TMEM132D: variants seen among roughly 807,000 people sequenced by gnomAD.
TMEM132D encodes transmembrane protein 132D.
Under a neutral mutation model 62.3 loss-of-function variants are expected in TMEM132D, and 21 were observed. The observed-to-expected ratio is 0.34, with a 90% CI of 0.24 to 0.49. The LOEUF is 0.49. Among genes scored for constraint, TMEM132D ranks in the 20% least tolerant of loss-of-function variants. The pLI is 0.99. For synonymous variants in TMEM132D, 621 were observed against 575.6 expected, an observed-to-expected ratio of 1.08 and a Z score of -1.13; for missense variants, 1,346 against 1,402.8, an observed-to-expected ratio of 0.96 and a Z score of 0.65.
chr12:129,880,246 A>C (rs868346804), intron 1 of TMEM132D, among the ~76,000 whole-genome samples: 1 of 152,186 alleles, frequency 6.6e-6, no homozygotes, highest in African/African-American at 2.4e-5. Context: ...TCATCAACCC[A>C]GAATTCTATA....
intron 1 of TMEM132D, among the ~76,000 whole-genome samples, chr12:129,751,469 C>T (rs571571987): frequency 6.6e-6 from 1 of 152,176 alleles, no homozygotes; most frequent in Non-Finnish European, 1.5e-5. Context: ...GGTGGGGACA[C>T]ACAGCCAAAC....
chr12:129,801,347 G>GA (rs201974324), intron 1 of TMEM132D, among the ~76,000 whole-genome samples: 2,099 of 37,296 alleles, frequency 0.056, 26 homozygotes, highest in Middle Eastern at 0.068. Flanking sequence ...GGAGATCTGA[G>GA]ATGGGCAGAC....
At chr12:129,675,956 G>A (rs979946002) in intron 2 of TMEM132D, among the ~76,000 whole-genome samples, 10 of 152,208 alleles carry the variant, frequency 6.6e-5, no homozygotes, top group Non-Finnish European at 4.4e-5. Context: ...TTAACACACA[G>A]AGAATCTTCC....
chr12:129,183,038 C>A (rs532152988), intron 5 of TMEM132D, among the ~76,000 whole-genome samples: 14 of 152,164 alleles, frequency 9.2e-5, no homozygotes, highest in Non-Finnish European at 1.6e-4. Context: ...CACGTGGCTG[C>A]TGGCTTCCAA....
intron 2 of TMEM132D, among the ~76,000 whole-genome samples, chr12:129,690,610 CA>C (rs750320840): frequency 6.6e-6 from 1 of 152,122 alleles, no homozygotes; most frequent in Admixed American, 6.6e-5. Context: ...GGAAGCATTA[CA>C]TAATGACAAA....
intron 3 of TMEM132D, among the ~76,000 whole-genome samples, chr12:129,461,821 T>G (rs1026722720): frequency 3.3e-5 from 5 of 151,970 alleles, no homozygotes; most frequent in African/African-American, 7.3e-5. Context: ...AGCAGGTACA[T>G]AGATAGAGAA....
At chr12:129,268,608 A>G (rs1221193376) in intron 4 of TMEM132D, among the ~76,000 whole-genome samples, 4 of 152,216 alleles carry the variant, frequency 2.6e-5, no homozygotes, top group Non-Finnish European at 5.9e-5. Flanking sequence ...TAGTTCAACC[A>G]TTGTGGAAGA....
intron 1 of TMEM132D, among the ~76,000 whole-genome samples, chr12:129,891,867 A>C (rs547020272): frequency 2.2e-3 from 340 of 152,304 alleles, no homozygotes; most frequent in South Asian, 0.011. Flanking sequence ...TAGAGAGTGA[A>C]CAAAACTGGC....
At chr12:129,654,340 C>T (rs1218342235) in intron 2 of TMEM132D, among the ~76,000 whole-genome samples, 1 of 151,144 alleles carries the variant, frequency 6.6e-6, no homozygotes, top group Non-Finnish European at 1.5e-5. Flanking sequence ...TCCTTTTTGC[C>T]ACTATAAGAT....
intron 1 of TMEM132D, among the ~76,000 whole-genome samples, chr12:129,769,247 T>C (rs1028950468): frequency 1.1e-4 from 16 of 152,056 alleles, no homozygotes; most frequent in African/African-American, 3.6e-4. Flanking sequence ...GAAAAAGAGG[T>C]TGAACGACTC....
At chr12:129,699,280 C>CTCATTTATT (rs1172013851) in intron 2 of TMEM132D, among the ~76,000 whole-genome samples, 4 of 152,096 alleles carry the variant, frequency 2.6e-5, no homozygotes, top group African/African-American at 4.8e-5. Context: ...ACACGTTATG[C>CTCATTTATT]TCATTTATTT....
chr12:129,277,156 G>T lies in TMEM132D; in HGVS notation c.1299+60478C>A, dbSNP rs1881026004. Among the ~76,000 whole-genome samples the T allele has an allele frequency of 6.6e-6, 1 of 152,116 alleles. No individual in the cohort carries two copies. Among genetic ancestry groups the T allele is most frequent in the African/African-American group, 2.4e-5 (1 of 41,408 alleles). On this transcript the variant is annotated intron_variant, in intron 4 of 8. Transcript: ENST00000422113. This position sits in a 1 kb window ranked among gnomAD's most constrained non-coding sequence, Gnocchi z 4.2. ...AACATGGGTGTGGGTGAGAACAGTGGGTGTGTGGAGAACAAAAACTATGGA... is the reference window on the plus strand; with the variant it reads ...AACATGGGTGTGGGTGAGAACAGTGTGTGTGTGGAGAACAAAAACTATGGA...
At chr12:129,309,997 C>G (rs74762892) in intron 4 of TMEM132D, among the ~76,000 whole-genome samples, 1,933 of 152,026 alleles carry the variant, frequency 0.013, 44 homozygotes, top group African/African-American at 0.044. Context: ...GGAAGCCAGA[C>G]TCCTAAGCAT....
intron 3 of TMEM132D, among the ~76,000 whole-genome samples, chr12:129,379,895 T>C (rs1870890076): frequency 6.6e-6 from 1 of 152,206 alleles, no homozygotes; most frequent in South Asian, 2.1e-4. Flanking sequence ...TTTACATTTG[T>C]GATTCAGAAA....
chr12:129,455,975 A>T (rs917699352), intron 3 of TMEM132D, among the ~76,000 whole-genome samples: 1 of 152,174 alleles, frequency 6.6e-6, no homozygotes, highest in Non-Finnish European at 1.5e-5. Flanking sequence ...GGATGATTTA[A>T]GTGGCTATTG....
chr12:129,515,650 G>T (rs532347008), intron 3 of TMEM132D, among the ~76,000 whole-genome samples: 1 of 152,294 alleles, frequency 6.6e-6, no homozygotes, highest in African/African-American at 2.4e-5. Context: ...CAGAGAGAAG[G>T]TTGTAATACC....
At chr12:129,098,500 A>G (rs1461342936) in intron 5 of TMEM132D, among the ~76,000 whole-genome samples, 2 of 152,204 alleles carry the variant, frequency 1.3e-5, no homozygotes, top group East Asian at 3.8e-4. Flanking sequence ...CTCTACCAAG[A>G]AATGAGTCTT....
At chr12:129,244,125 C>T (rs1264266144) in intron 4 of TMEM132D, among the ~76,000 whole-genome samples, 2 of 152,112 alleles carry the variant, frequency 1.3e-5, no homozygotes, top group Admixed American at 1.3e-4. Flanking sequence ...GTGGCTGACG[C>T]CTGTAATCCC....
chr12:129,280,972 T>C (rs1228392612), intron 4 of TMEM132D, among the ~76,000 whole-genome samples: 1 of 152,060 alleles, frequency 6.6e-6, no homozygotes, highest in African/African-American at 2.4e-5. Flanking sequence ...CACAATATTT[T>C]GAAATTTATT....
Sources: gnomAD v4.1 joint callset for allele counts (sites outside exome capture counted in the v4.1 genomes callset) on GRCh38, gnomAD v4.1.1 for gene constraint, Gnocchi (gnomAD v3.1) non-coding constraint, MANE v1.5 for transcripts, NCBI Gene and HGNC (gene_info 2026-07-23, HGNC 2026-07-21) for gene names.